Variants in CSN2 observed in about 807,000 individuals in gnomAD.
The protein encoded by CSN2 is beta-casein.
CSN2 carries 27 observed loss-of-function variants against 27.3 expected under a neutral mutation model. The observed-to-expected ratio is 0.99, with a 90% CI of 0.73 to 1.36. The LOEUF is 1.36. Among genes scored for constraint, CSN2 ranks in the 40% most tolerant of loss-of-function variants. CSN2 has a pLI of 0.00. For synonymous variants in CSN2, 131 were observed against 94.8 expected, an observed-to-expected ratio of 1.38 and a Z score of -2.22; for missense variants, 333 against 264.5, an observed-to-expected ratio of 1.26 and a Z score of -1.80.
chr4:69,957,757 C>T lies in CSN2; in HGVS notation c.192G>A (p.Leu64=). The change falls in exon 6 of 8, where the codon CTG becomes CTA. Residue 64 remains leucine (L), a synonymous_variant. Transcript: ENST00000353151. ...GGATAGGTTCAACGAATGGATAGAT[C>T]AGAGGCTGTGGCTGGAAAGAGGGGT... is the stretch of plus-strand genomic sequence containing the variant. ...KIYPSFQPQP[L]IYPFVEPIPY... The T allele has an allele frequency of 6.2e-7, 1 of 1,613,890 alleles. No homozygotes were observed. The highest frequency in any genetic ancestry group is 1.1e-5 in the South Asian group (1 of 91,068).
At chr4:69,961,128 C>A in intron 1 of CSN2, 121 bp from the exon 2 acceptor site, 2 of 587,706 alleles carry the variant, frequency 3.4e-6, no homozygotes, top group South Asian at 2.6e-5. Flanking sequence ...ACAAAAATAT[C>A]TGCATTTAGA....
intron 5 of CSN2, 78 bp downstream of exon 5, chr4:69,958,831 A>T (rs1723481437): frequency 4.4e-6 from 4 of 912,856 alleles, no homozygotes; most frequent in South Asian, 3.7e-5. Context: ...TTTAGAATCA[A>T]CATACACATT....
At chr4:69,962,690 G>A (rs910180830) in intron 1 of CSN2, among the ~76,000 whole-genome samples, 2 of 152,000 alleles carry the variant, frequency 1.3e-5, no homozygotes, top group African/African-American at 2.4e-5. Context: ...GACTTCATGT[G>A]TAAAAGACCA....
At chr4:69,965,408 CTA>C (rs756206077) in intron 1 of CSN2, among the ~76,000 whole-genome samples, 7,163 of 87,728 alleles carry the variant, frequency 0.082, 247 homozygotes, top group African/African-American at 0.11. Context: ...TAGCCTCATA[CTA>C]TATATATATA....
rs1046315482 is a variant in CSN2 at position 69,955,511 on chromosome 4, A to T, written c.*118T>A. 1 of 152,518 alleles carries T rather than the reference A, an allele frequency of 6.6e-6. No homozygotes were observed. Among genetic ancestry groups the T allele is most frequent in the African/African-American group, 2.4e-5 (1 of 41,448 alleles). The allele number at this position is 152,518 out of a possible 1,614,324, so 9.4% of individuals were successfully genotyped here. A position where few individuals can be genotyped will look rare whatever the true frequency, so the allele number is the denominator to read the frequency against. On this transcript the variant is annotated 3_prime_UTR_variant, in exon 8 of 8. Transcript: ENST00000353151. Reference sequence around the variant, plus strand: ...AAGGGACAAAGTTCATTTTTTCCATATAAACTCATTCAAACATACTTAATT... The same window carrying T: ...AAGGGACAAAGTTCATTTTTTCCATTTAAACTCATTCAAACATACTTAATT...
chr4:69,963,705 G>A (rs1723693143), intron 1 of CSN2, among the ~76,000 whole-genome samples: 1 of 152,038 alleles, frequency 6.6e-6, no homozygotes, highest in South Asian at 2.1e-4. Flanking sequence ...CCTGCACTTT[G>A]TGCACATGTA....
intron 3 of CSN2, 61 bp from the exon 4 acceptor site, chr4:69,959,130 A>T: frequency 8.8e-7 from 1 of 1,134,634 alleles, no homozygotes. Context: ...TTGCAATATA[A>T]ATCAGGAAAT....
At chr4:69,963,299 C>T (rs552714453) in intron 1 of CSN2, among the ~76,000 whole-genome samples, 369 of 152,158 alleles carry the variant, frequency 2.4e-3, no homozygotes, top group Non-Finnish European at 3.4e-3. Flanking sequence ...ATGTTTATTG[C>T]GGCACTATTC....
rs537526800 is a variant in CSN2, at chr4:69,955,442, T to C, written c.*187A>G. 16 of 152,562 alleles carry C rather than the reference T, an allele frequency of 1.0e-4. No homozygotes were observed. The highest frequency in any genetic ancestry group is 8.5e-4 in the Admixed American group (13 of 15,260). The allele number at this position is 152,562 out of a possible 1,614,324, so 9.5% of individuals were successfully genotyped here. A position where few individuals can be genotyped will look rare whatever the true frequency, so the allele number is the denominator to read the frequency against. Reference sequence around the variant, plus strand: ...TTGGAAAATGTAAATAGTTCATGAGTCAAATTTCAAATTAAATGAATGACA... The same window carrying C: ...TTGGAAAATGTAAATAGTTCATGAGCCAAATTTCAAATTAAATGAATGACA... On this transcript the variant is annotated 3_prime_UTR_variant, in exon 8 of 8. Transcript: ENST00000353151.
intron 1 of CSN2, among the ~76,000 whole-genome samples, chr4:69,965,203 C>T (rs562713199): frequency 1.8e-4 from 27 of 151,006 alleles, no homozygotes; most frequent in African/African-American, 6.1e-4. Context: ...GTAGTAAATG[C>T]CCCCATACCA....
intron 3 of CSN2, among the ~76,000 whole-genome samples, 188 bp from the exon 4 acceptor site, chr4:69,959,257 G>T (rs1329607744): frequency 2.0e-5 from 3 of 151,218 alleles, no homozygotes; most frequent in African/African-American, 7.4e-5. Flanking sequence ...ATGCAGTCAA[G>T]AAGGACATGG....
chr4:69,964,178 A>G (rs1394571047), intron 1 of CSN2, among the ~76,000 whole-genome samples: 2 of 152,096 alleles, frequency 1.3e-5, no homozygotes, highest in East Asian at 1.9e-4. Flanking sequence ...GATATTGTAC[A>G]CTAGGCTTCT....
chr4:69,957,165 C>T (rs2109741458), intron 6 of CSN2, 109 bp downstream of exon 6: 1 of 1,135,896 alleles, frequency 8.8e-7, no homozygotes, highest in African/African-American at 1.6e-5. Context: ...ATAAAAGAAT[C>T]ACTTATCTAA....
chr4:69,963,726 T>G (rs1341947229), intron 1 of CSN2, among the ~76,000 whole-genome samples: 1 of 152,078 alleles, frequency 6.6e-6, no homozygotes, highest in Non-Finnish European at 1.5e-5. Flanking sequence ...CCCTAAAACT[T>G]AAAGTATAAT....
At chr4:69,962,897 C>A (rs1386502187) in intron 1 of CSN2, among the ~76,000 whole-genome samples, 2 of 152,100 alleles carry the variant, frequency 1.3e-5, no homozygotes, top group South Asian at 4.1e-4. Flanking sequence ...AAGAAAAAAA[C>A]AAACAACCCC....
intron 1 of CSN2, 89 bp from the exon 2 acceptor site, chr4:69,961,096 A>C (rs922713171): frequency 9.3e-6 from 7 of 755,762 alleles, no homozygotes; most frequent in African/African-American, 3.6e-5. Context: ...ATAAAACAAA[A>C]AAAAAAGAGA....
chr4:69,960,888 A>G, intron 2 of CSN2, 57 bp downstream of exon 2: 1 of 1,331,948 alleles, frequency 7.5e-7, no homozygotes, highest in Non-Finnish European at 1.1e-6. Context: ...TTCTCTACAA[A>G]TAAGCATATA....
At chr4:69,961,207 C>T (rs941625713) in intron 1 of CSN2, among the ~76,000 whole-genome samples, 200 bp from the exon 2 acceptor site, 10 of 152,026 alleles carry the variant, frequency 6.6e-5, no homozygotes, top group African/African-American at 9.7e-5. Context: ...TTCTGGCTTG[C>T]GATTCTCATT....
chr4:69,963,810 C>G (rs905824373), intron 1 of CSN2, among the ~76,000 whole-genome samples: 1 of 152,072 alleles, frequency 6.6e-6, no homozygotes, highest in African/African-American at 2.4e-5. Flanking sequence ...TCTTTAGAAT[C>G]TGTTCTTGCC....
Sources: allele counts gnomAD v4.1 joint callset (sites outside exome capture counted in the v4.1 genomes callset), GRCh38; gene constraint gnomAD v4.1.1; transcripts MANE v1.5; gene names NCBI Gene and HGNC (gene_info 2026-07-23, HGNC 2026-07-21).